Variants in BBS5 observed in about 807,000 individuals in gnomAD.
BBS5 encodes Bardet-Biedl syndrome 5.
A neutral mutation model predicts 50.2 loss-of-function variants in BBS5; 39 were observed. The observed-to-expected ratio is 0.78, with a 90% CI of 0.60 to 1.01. The LOEUF is 1.01. Ranked by LOEUF, BBS5 falls within the 50% of genes least tolerant of loss-of-function variation. BBS5 has a pLI of 0.00. For missense variants in BBS5, 356 were observed against 401.5 expected (o/e 0.89, Z 0.97); for synonymous variants, 134 against 133.1 (o/e 1.01, Z -0.05).
At chr2:169,482,595 A>G in intron 2 of BBS5, 1 of 437,418 alleles carries the variant, frequency 2.3e-6, no homozygotes, top group South Asian at 2.2e-5. Context: ...CCTGTTTGCA[A>G]GGGGCATTAG....
At position 169,506,490 on chromosome 2, in the gene BBS5, T is replaced by TAAA. The variant is rs77146558; in HGVS notation, c.*1919_*1921dup. 1.0e-4 allele frequency: 15 copies of TAAA among 143,066 alleles called. No homozygotes were observed. The highest frequency in any genetic ancestry group is 4.1e-4 in the East Asian group (2 of 4,938). 8.9% of individuals were successfully genotyped at this position (143,066 alleles called of 1,614,324 possible). Reference sequence around the variant, plus strand: ...TCTTACCCTAAAACTTAAAGTATAATAAAAAAAAAAAAACTTCAGTTTTCT... The same window carrying TAAA: ...TCTTACCCTAAAACTTAAAGTATAATAAAAAAAAAAAAAAAACTTCAGTTTTCT... On this transcript the variant is annotated 3_prime_UTR_variant, in exon 12 of 12. Transcript: ENST00000295240.
At position 169,490,207 on chromosome 2, in the gene BBS5, T is replaced by C. The variant is rs867142035; in HGVS notation, c.386+2093T>C. On this transcript the variant is annotated intron_variant, in intron 5 of 11. Transcript: ENST00000295240. Reference sequence around the variant, plus strand: ...TGTGCATTTTTTTTTTTTTTTTTTTTTTTGAGACGGAGTCTCACTTTGTCG... The same window carrying C: ...TGTGCATTTTTTTTTTTTTTTTTTTCTTTGAGACGGAGTCTCACTTTGTCG... Among the ~76,000 whole-genome samples, 1,212 of 145,416 alleles carry C rather than the reference T, an allele frequency of 8.3e-3. 24 individuals are homozygous for C. The highest frequency in any genetic ancestry group is 0.03 in the African/African-American group (1,143 of 38,690).
Position 169,504,887 on chromosome 2 carries a change from C to A in BBS5, c.*305C>A. 1 of 1,613,518 alleles carries A rather than the reference C, an allele frequency of 6.2e-7. No individual in the cohort carries two copies. The highest frequency in any genetic ancestry group is 1.1e-5 in the South Asian group (1 of 91,056). ...CCTACAGCAGTGCCTGCACGCCCGG[C>A]TGCAAATTCGCCCAGCCAATGGGGA... On this transcript the variant is annotated 3_prime_UTR_variant, in exon 12 of 12. Coordinates refer to ENST00000295240, the MANE Select transcript of BBS5 (RefSeq NM_152384.3).
intron 2 of BBS5, among the ~76,000 whole-genome samples, chr2:169,484,673 T>A (rs986763397): frequency 1.3e-5 from 2 of 152,136 alleles, no homozygotes; most frequent in Non-Finnish European, 1.5e-5. Context: ...CAGATTAACT[T>A]TGCACACTGC....
Position 169,487,997 on chromosome 2 carries a change from G to A in BBS5, c.269G>A (p.Gly90Asp). The stretch of plus-strand genomic sequence containing the variant: ...AATTTGTCCTTACAGAAATTACGAG[G>A]CCAAACTGAAGCTCTCTATATACTA... Reference protein sequence around the residue: ...TTRTANSKLRGQTEALYILTK... With the variant: ...TTRTANSKLRDQTEALYILTK... Residue 90 changes from glycine to aspartate, a missense_variant, in exon 5 of 12, where the codon GGC becomes GAC. Coordinates refer to ENST00000295240, the MANE Select transcript of BBS5 (RefSeq NM_152384.3). 2 of 1,613,662 alleles carry A rather than the reference G, an allele frequency of 1.2e-6. No homozygotes were observed. The highest frequency in any genetic ancestry group is 1.7e-6 in the Non-Finnish European group (2 of 1,179,788).
intron 3 of BBS5, 45 bp from the exon 4 acceptor site, chr2:169,487,761 G>C: frequency 7.0e-7 from 1 of 1,427,390 alleles, no homozygotes. Context: ...TTTTTTCTCA[G>C]TGTACCATAT....
At chr2:169,493,877 T>C (rs2105298288) in intron 7 of BBS5, 41 bp downstream of exon 7, 2 of 1,377,376 alleles carry the variant, frequency 1.5e-6, no homozygotes, top group South Asian at 1.2e-5. Flanking sequence ...TAATGTAAAA[T>C]AAATATTTTT....
At chr2:169,493,126 G>T in intron 6 of BBS5, 117 bp downstream of exon 6, 2 of 1,254,260 alleles carry the variant, frequency 1.6e-6, no homozygotes, top group Non-Finnish European at 1.2e-6. Flanking sequence ...ATAGGAAAGC[G>T]TATTACTTTT....
chr2:169,485,807 A>G (rs116495540), intron 2 of BBS5, among the ~76,000 whole-genome samples: 1 of 152,176 alleles, frequency 6.6e-6, no homozygotes, highest in Non-Finnish European at 1.5e-5. Context: ...GGGAGGCAGG[A>G]GTTTGAGGTC....
chr2:169,481,986 ACT>A (rs887183357), intron 1 of BBS5, among the ~76,000 whole-genome samples: 1 of 151,656 alleles, frequency 6.6e-6, no homozygotes, highest in Non-Finnish European at 1.5e-5. Context: ...TTAATCATGG[ACT>A]CTCTTTTCTT....
In BBS5 at chr2:169,504,655, C is replaced by A; in HGVS notation, c.*73C>A. 1 of 1,243,524 alleles carries A rather than the reference C, an allele frequency of 8.0e-7. No homozygotes were observed. Among genetic ancestry groups the A allele is most frequent in the Non-Finnish European group, 1.2e-6 (1 of 844,956 alleles). The allele number at this position is 1,243,524 out of a possible 1,614,324, so 77.0% of individuals were successfully genotyped here. A position where few individuals can be genotyped will look rare whatever the true frequency, so the allele number is the denominator to read the frequency against. On this transcript the variant is annotated 3_prime_UTR_variant, in exon 12 of 12. Coordinates refer to ENST00000295240, the MANE Select transcript of BBS5 (RefSeq NM_152384.3). ...AAGATACTAGTCACCTGCCATAAGT[C>A]ATGGAATAGTTTTTATATTTACAGC...
chr2:169,493,516 A>G (rs546275982), intron 6 of BBS5, among the ~76,000 whole-genome samples: 2 of 152,292 alleles, frequency 1.3e-5, no homozygotes, highest in South Asian at 2.1e-4. Context: ...AAATTTCCCT[A>G]TGGTCAGACA....
Position 169,498,588 on chromosome 2 carries a change from C to T in BBS5, c.682-898C>T, listed in dbSNP as rs186256843. On this transcript the variant is annotated intron_variant, in intron 8 of 11. Coordinates refer to ENST00000295240, the MANE Select transcript of BBS5 (RefSeq NM_152384.3). ...ATCCCAGCACTTTGGGAGGTCGAGG[C>T]GGGCAGAGCAGGAAGTCAGGAGATC... Among the ~76,000 whole-genome samples the T allele has an allele frequency of 8.8e-3, 1,336 of 152,004 alleles. 26 individuals carry two copies. The highest frequency in any genetic ancestry group is 0.03 in the African/African-American group (1,260 of 41,472).
At chr2:169,489,975 C>T (rs1348999848) in intron 5 of BBS5, among the ~76,000 whole-genome samples, 2 of 144,320 alleles carry the variant, frequency 1.4e-5, no homozygotes, top group Non-Finnish European at 3.0e-5. Context: ...CCAAGTTCAC[C>T]CACCATTCTC....
chr2:169,504,354 T>C (rs1423015776), intron 11 of BBS5, 28 bp downstream of exon 11: 1 of 1,610,282 alleles, frequency 6.2e-7, no homozygotes, highest in South Asian at 1.1e-5. Flanking sequence ...ACCTACAGTA[T>C]ATGAAAAAAG....
At position 169,497,626 on chromosome 2, in the gene BBS5, G is replaced by C. The variant is rs753234582; in HGVS notation, c.619-1G>C. 38 of 1,570,468 alleles carry C rather than the reference G, an allele frequency of 2.4e-5. No homozygotes were observed. The highest frequency in any genetic ancestry group is 3.2e-5 in the Non-Finnish European group (36 of 1,141,366). On this transcript the variant is annotated splice_acceptor_variant, in intron 7 of 11. Coordinates refer to ENST00000295240, the MANE Select transcript of BBS5 (RefSeq NM_152384.3). LOFTEE classifies it high-confidence loss of function. ...GTTTTTCTTTTTCATTTTGTATCTA[G>C]CGTTCAATAAAGATTAGAGATTCAA... is the stretch of plus-strand genomic sequence containing the variant.
intron 1 of BBS5, among the ~76,000 whole-genome samples, chr2:169,481,200 C>T (rs983032163): frequency 2.0e-5 from 3 of 152,044 alleles, no homozygotes; most frequent in Admixed American, 6.6e-5. Flanking sequence ...AAAAAATGAG[C>T]GAAAAGCTGA....
chr2:169,493,269 A>G (rs1301864324), intron 6 of BBS5, among the ~76,000 whole-genome samples: 1 of 152,208 alleles, frequency 6.6e-6, no homozygotes, highest in Non-Finnish European at 1.5e-5. Context: ...GTAAAGATCT[A>G]ACTATGGAAC....
At chr2:169,485,091 C>T (rs1683466425) in intron 2 of BBS5, among the ~76,000 whole-genome samples, 1 of 152,160 alleles carries the variant, frequency 6.6e-6, no homozygotes, top group Admixed American at 6.6e-5. Context: ...TCCATAATTT[C>T]TCCTGGGACC....
Sources: gnomAD v4.1 joint callset for allele counts (sites outside exome capture counted in the v4.1 genomes callset) on GRCh38, gnomAD v4.1.1 for gene constraint, MANE v1.5 for transcripts, NCBI Gene and HGNC (gene_info 2026-07-23, HGNC 2026-07-21) for gene names.